The following PPP3CA variants were observed in gnomAD, a reference collection of about 807,000 sequenced individuals.
PPP3CA encodes protein phosphatase 3 catalytic subunit alpha.
A neutral mutation model predicts 66.5 loss-of-function variants in PPP3CA; 14 were observed. The observed-to-expected ratio is 0.21, with a 90% CI of 0.14 to 0.33. The LOEUF (loss-of-function observed/expected upper bound fraction) is 0.33. Among genes scored for constraint, PPP3CA ranks in the 10% least tolerant of loss-of-function variants. PPP3CA has a pLI of 1.00. For synonymous variants in PPP3CA, 232 were observed against 226.2 expected (o/e 1.03, Z -0.23); for missense variants, 317 against 639.5 (o/e 0.50, Z 5.44).
chr4:101,025,507 A>T lies in PPP3CA; in HGVS notation c.*358T>A. 1 of 164,466 alleles carries T rather than the reference A, an allele frequency of 6.1e-6. No homozygotes were observed. Among genetic ancestry groups the T allele is most frequent in the Non-Finnish European group, 1.3e-5 (1 of 76,058 alleles). 10.2% of individuals were successfully genotyped at this position (164,466 alleles called of 1,614,324 possible). A position where few individuals can be genotyped will look rare whatever the true frequency, so the allele number is the denominator to read the frequency against. On this transcript the variant is annotated 3_prime_UTR_variant, in exon 14 of 14. Coordinates refer to ENST00000394854, the MANE Select transcript of PPP3CA (RefSeq NM_000944.5). Reference sequence around the variant, plus strand: ...TTTTCATGTCCAGTAACAGAATAAAAGGCCTTTCATTAACCTATCTAGAAG... The same window carrying T: ...TTTTCATGTCCAGTAACAGAATAAATGGCCTTTCATTAACCTATCTAGAAG...
At chr4:101,235,167 G>T (rs983168731) in intron 1 of PPP3CA, among the ~76,000 whole-genome samples, 2 of 151,674 alleles carry the variant, frequency 1.3e-5, no homozygotes, top group African/African-American at 2.4e-5. Flanking sequence ...CCCAAATTAT[G>T]CACAATTTAC....
chr4:101,336,710 A>G (rs145948788), intron 1 of PPP3CA, among the ~76,000 whole-genome samples: 1 of 152,356 alleles, frequency 6.6e-6, no homozygotes, highest in African/African-American at 2.4e-5. Flanking sequence ...AAAGCATCAG[A>G]TTGTAATCAA....
In PPP3CA at chr4:101,084,640, T is replaced by C. The variant is rs887413043; in HGVS notation, c.783-1377A>G. Among the ~76,000 whole-genome samples, 4 of 147,516 alleles carry C rather than the reference T, an allele frequency of 2.7e-5. No individual in the cohort carries two copies. In the East Asian group the frequency reaches 5.9e-4, roughly 22 times the overall value. On this transcript the variant is annotated intron_variant, in intron 6 of 13. Coordinates refer to ENST00000394854, the MANE Select transcript of PPP3CA (RefSeq NM_000944.5). ...CCTGGGCGACAAGAGTGAAACTCCA[T>C]CTCAAAAAAAAAAAAAGAAAGATAA...
chr4:101,269,810 A>G (rs1315964425), intron 1 of PPP3CA, among the ~76,000 whole-genome samples: 1 of 152,164 alleles, frequency 6.6e-6, no homozygotes, highest in East Asian at 1.9e-4. Flanking sequence ...ATAAGTGTCC[A>G]AATATGGCAG....
intron 1 of PPP3CA, among the ~76,000 whole-genome samples, chr4:101,263,649 C>A (rs1277254553): frequency 6.6e-6 from 1 of 151,494 alleles, no homozygotes; most frequent in Non-Finnish European, 1.5e-5. Context: ...CCCTGCCCTG[C>A]CCCCACCCAT....
At chr4:101,145,528 G>T (rs1385205690) in intron 2 of PPP3CA, among the ~76,000 whole-genome samples, 1 of 152,082 alleles carries the variant, frequency 6.6e-6, no homozygotes, top group Non-Finnish European at 1.5e-5. Flanking sequence ...GCCAGGCACA[G>T]AAAAACAAAT....
intron 1 of PPP3CA, among the ~76,000 whole-genome samples, chr4:101,311,854 C>A (rs930689894): frequency 6.6e-6 from 1 of 152,180 alleles, no homozygotes; most frequent in African/African-American, 2.4e-5. Context: ...TCTGAACATA[C>A]AACCTTGTCC....
intron 2 of PPP3CA, among the ~76,000 whole-genome samples, chr4:101,182,897 G>A (rs1724287820): frequency 6.6e-6 from 1 of 152,062 alleles, no homozygotes; most frequent in African/African-American, 2.4e-5. Flanking sequence ...TTTGCCTGCT[G>A]CCATCCATGT....
chr4:101,204,844 A>G (rs962920464), intron 1 of PPP3CA, among the ~76,000 whole-genome samples: 1 of 151,586 alleles, frequency 6.6e-6, no homozygotes, highest in Non-Finnish European at 1.5e-5. Flanking sequence ...CAAATACTTA[A>G]AAAATTTAAA....
At chr4:101,178,690 T>A (rs75221409) in intron 2 of PPP3CA, among the ~76,000 whole-genome samples, 6 of 152,078 alleles carry the variant, frequency 3.9e-5, no homozygotes, top group African/African-American at 1.4e-4. Context: ...AAAGGCCATG[T>A]CTATTCCCAT....
chr4:101,040,398 A>T, intron 11 of PPP3CA, 84 bp downstream of exon 11: 1 of 942,346 alleles, frequency 1.1e-6, no homozygotes, highest in Non-Finnish European at 1.5e-6. Flanking sequence ...TAAAATATTT[A>T]AATTACCAGA....
chr4:101,048,672 T>C (rs2110216306), intron 10 of PPP3CA, among the ~76,000 whole-genome samples: 1 of 152,252 alleles, frequency 6.6e-6, no homozygotes, highest in South Asian at 2.1e-4. Flanking sequence ...CTTTCTAATA[T>C]GGATCCTAAC....
At chr4:101,125,155 T>C (rs1258481051) in intron 2 of PPP3CA, among the ~76,000 whole-genome samples, 1 of 152,224 alleles carries the variant, frequency 6.6e-6, no homozygotes, top group Non-Finnish European at 1.5e-5. Flanking sequence ...TTGCAGGATC[T>C]TCTCTTAAGC....
At chr4:101,316,492 T>C (rs1175792376) in intron 1 of PPP3CA, among the ~76,000 whole-genome samples, 1 of 152,154 alleles carries the variant, frequency 6.6e-6, no homozygotes, top group Non-Finnish European at 1.5e-5. Context: ...CGGGTGGGAT[T>C]TGTTTTATAA....
chr4:101,094,905 T>C (rs1399585790), intron 5 of PPP3CA, among the ~76,000 whole-genome samples: 1 of 152,154 alleles, frequency 6.6e-6, no homozygotes, highest in Non-Finnish European at 1.5e-5. Context: ...AGAATTGATA[T>C]TCTTCATATT....
At chr4:101,177,438 C>T (rs953757370) in intron 2 of PPP3CA, among the ~76,000 whole-genome samples, 1 of 152,100 alleles carries the variant, frequency 6.6e-6, no homozygotes, top group African/African-American at 2.4e-5. Context: ...TCATAGTAGT[C>T]CTGTACTCTC....
At chr4:101,286,863 C>G in intron 1 of PPP3CA, among the ~76,000 whole-genome samples, 1 of 152,174 alleles carries the variant, frequency 6.6e-6, no homozygotes, top group Non-Finnish European at 1.5e-5. Context: ...GGTCAGCTGT[C>G]ACCTGTGACA....
intron 6 of PPP3CA, among the ~76,000 whole-genome samples, chr4:101,085,786 G>A (rs1296407339): frequency 6.6e-6 from 1 of 151,580 alleles, no homozygotes; most frequent in Admixed American, 6.6e-5. Flanking sequence ...CTTTTTAATG[G>A]AAATTATCAC....
intron 2 of PPP3CA, among the ~76,000 whole-genome samples, chr4:101,194,996 G>A (rs1016533158): frequency 3.6e-4 from 55 of 152,188 alleles, no homozygotes; most frequent in African/African-American, 1.1e-3. Flanking sequence ...AAAAAGGCCC[G>A]GAGTGGTGGC....
Sources: gnomAD v4.1 joint callset for allele counts (sites outside exome capture counted in the v4.1 genomes callset) on GRCh38, gnomAD v4.1.1 for gene constraint, MANE v1.5 for transcripts, NCBI Gene and HGNC (gene_info 2026-07-23, HGNC 2026-07-21) for gene names.